ZNF8: variants seen among roughly 807,000 people sequenced by gnomAD.
ZNF8 encodes the protein zinc finger protein 8.
Under a neutral mutation model 12.2 loss-of-function variants are expected in ZNF8, and 9 were observed. That is an observed-to-expected ratio of 0.73 (90% confidence interval 0.44 to 1.28). The LOEUF is 1.28. ZNF8 is among the 50% of genes most tolerant of loss of function. The pLI is 0.00. For synonymous variants in ZNF8, 274 were observed against 282.3 expected (o/e 0.97, Z 0.30); for missense variants, 664 against 729.1 (o/e 0.91, Z 1.03).
chr19:58,279,412 A>T (rs1225465570), intron 1 of ZNF8: 2 of 1,444,072 alleles, frequency 1.4e-6, no homozygotes, highest in African/African-American at 2.9e-5. Flanking sequence ...CATTCCCGAG[A>T]GAATCGAGCA....
rs1179564248 is a variant in ZNF8, at chr19:58,296,734, G to C, written c.*1198G>C. The C allele has an allele frequency of 1.3e-5, 2 of 152,324 alleles. No individual in the cohort carries two copies. Among genetic ancestry groups the C allele is most frequent in the African/African-American group, 4.8e-5 (2 of 41,430 alleles). 9.4% of individuals were successfully genotyped at this position (152,324 alleles called of 1,614,324 possible). A position where few individuals can be genotyped will look rare whatever the true frequency, so the allele number is the denominator to read the frequency against. ...TGCTTTTGCCTCCAGGGCACATTTG[G>C]TGACATCTAGGGACATTTTTGGTTG... On this transcript the variant is annotated 3_prime_UTR_variant, in exon 4 of 4. Transcript: ENST00000621650.
At chr19:58,283,693 G>A (rs1054932103) in intron 1 of ZNF8, among the ~76,000 whole-genome samples, 3 of 145,206 alleles carry the variant, frequency 2.1e-5, no homozygotes, top group African/African-American at 5.1e-5. Flanking sequence ...TCTGCCTCCC[G>A]GGTTCACACC....
rs1017229013 is a variant in ZNF8 at position 58,301,475 on chromosome 19, T to G, written c.*5939T>G. The G allele has an allele frequency of 6.6e-6, 1 of 152,274 alleles. No homozygotes were observed. The highest frequency in any genetic ancestry group is 2.4e-5 in the African/African-American group (1 of 41,452). The allele number at this position is 152,274 out of a possible 1,614,324, so 9.4% of individuals were successfully genotyped here. ...CCAAAACCCTATTCTGGATCATTCC[T>G]CCTTTCTGCTCCACCAGCAGTTTGG... is the stretch of plus-strand genomic sequence containing the variant. On this transcript the variant is annotated 3_prime_UTR_variant, in exon 4 of 4. Transcript: ENST00000621650.
rs2051378157 is a variant in ZNF8 at position 58,285,608 on chromosome 19, C to G, written c.67-109C>G. 6 of 1,486,128 alleles carry G rather than the reference C, an allele frequency of 4.0e-6. No homozygotes were observed. In the South Asian group the frequency reaches 4.6e-5, roughly 11 times the overall value. The allele number at this position is 1,486,128 out of a possible 1,614,324, so 92.1% of individuals were successfully genotyped here. The stretch of plus-strand genomic sequence containing the variant: ...CCTGACTCCCATCATTCATAACGTG[C>G]AGTCTCTCGTGACACAGGCCTGCCT... On this transcript the variant is annotated intron_variant, in intron 1 of 3. Transcript: ENST00000621650.
At chr19:58,279,292 G>T in intron 1 of ZNF8, 145 bp downstream of exon 1, 1 of 1,520,030 alleles carries the variant, frequency 6.6e-7, no homozygotes, top group South Asian at 1.2e-5. Flanking sequence ...GGGTCGGGGC[G>T]TGGTGACCGT....
In ZNF8 at chr19:58,296,979, C is replaced by T. The variant is rs1209634221; in HGVS notation, c.*1443C>T. The T allele has an allele frequency of 1.3e-5, 2 of 152,314 alleles. No individual in the cohort carries two copies. Among genetic ancestry groups the T allele is most frequent in the African/African-American group, 4.8e-5 (2 of 41,560 alleles). 9.4% of individuals were successfully genotyped at this position (152,314 alleles called of 1,614,324 possible). ...AGCTGTGGTGGCTCACGCTTGTGAT[C>T]CCAGCACTGTGGGAGGCTGAGGAGG... On this transcript the variant is annotated 3_prime_UTR_variant, in exon 4 of 4. Transcript: ENST00000621650.
chr19:58,285,865 G>A, intron 2 of ZNF8, 22 bp downstream of exon 2: 1 of 1,590,400 alleles, frequency 6.3e-7, no homozygotes, highest in Non-Finnish European at 8.6e-7. Flanking sequence ...TTCGCAAGGT[G>A]TGATAGCTGA....
intron 1 of ZNF8, among the ~76,000 whole-genome samples, chr19:58,281,909 T>C (rs2051352616): frequency 6.6e-6 from 1 of 152,130 alleles, no homozygotes; most frequent in South Asian, 2.1e-4. Flanking sequence ...GGTTAGGAGT[T>C]CAAGACCAGC....
At chr19:58,287,881 T>TA (rs1555774522) in intron 3 of ZNF8, among the ~76,000 whole-genome samples, 1 of 147,428 alleles carries the variant, frequency 6.8e-6, no homozygotes, top group African/African-American at 2.5e-5. Flanking sequence ...TTTTTTTTTT[T>TA]AGAGATGGGG....
At chr19:58,284,456 CTG>C (rs2051370332) in intron 1 of ZNF8, among the ~76,000 whole-genome samples, 1 of 152,234 alleles carries the variant, frequency 6.6e-6, no homozygotes, top group Non-Finnish European at 1.5e-5. Context: ...AGCCAAGACT[CTG>C]ATCCAGAAAT....
rs1032142109 is a variant in ZNF8 at position 58,294,723 on chromosome 19, C to T, written c.915C>T (p.Arg305=). ...ACTCCTCCCTCGTCCAGCATGAGCG[C>T]ATCCACACTGGAGACAAGCCCTACA... ...SQNSSLVQHE[R]IHTGDKPYKC... is the part of the protein sequence containing the mutation. The change falls in exon 4 of 4, where the codon CGC becomes CGT. Residue 305 remains arginine (R), a synonymous_variant. Transcript: ENST00000621650. This position sits in a 1 kb window ranked among gnomAD's most constrained non-coding sequence, Gnocchi z 5.5. 1 of 1,613,958 alleles carries T rather than the reference C, an allele frequency of 6.2e-7. No individual in the cohort carries two copies. Among genetic ancestry groups the T allele is most frequent in the African/African-American group, 1.3e-5 (1 of 74,886 alleles).
intron 3 of ZNF8, among the ~76,000 whole-genome samples, chr19:58,291,706 C>T (rs765547154): frequency 2.0e-5 from 3 of 152,084 alleles, no homozygotes; most frequent in Non-Finnish European, 2.9e-5. Context: ...GTGATGAGGC[C>T]GTAAAGGAAA....
intron 3 of ZNF8, chr19:58,286,463 G>T: frequency 2.7e-6 from 1 of 369,284 alleles, no homozygotes; most frequent in Non-Finnish European, 5.1e-6. Context: ...TTCAGGATGT[G>T]CCAGGCTCCC....
chr19:58,280,082 A>G (rs1177528340), intron 1 of ZNF8: 1 of 344,192 alleles, frequency 2.9e-6, no homozygotes, highest in Non-Finnish European at 5.6e-6. Context: ...CTTGAGAGAA[A>G]GTGTATTAGT....
intron 1 of ZNF8, chr19:58,279,838 A>C: frequency 7.2e-7 from 1 of 1,383,936 alleles, no homozygotes; most frequent in Non-Finnish European, 9.5e-7. Context: ...AGGAAACAAC[A>C]ATAATTATCC....
rs1328763796 is a variant in ZNF8 at position 58,298,906 on chromosome 19, G to A, written c.*3370G>A. The A allele has an allele frequency of 1.3e-5, 2 of 151,156 alleles. No homozygotes were observed. Among genetic ancestry groups the A allele is most frequent in the African/African-American group, 4.9e-5 (2 of 41,044 alleles). The allele number at this position is 151,156 out of a possible 1,614,324, so 9.4% of individuals were successfully genotyped here. Reference sequence around the variant, plus strand: ...CACGTGGTTCACTGCAACCTCCCAGGTTCAAGCAATTCTCCTGCCTCAGCC... The same window carrying A: ...CACGTGGTTCACTGCAACCTCCCAGATTCAAGCAATTCTCCTGCCTCAGCC... On this transcript the variant is annotated 3_prime_UTR_variant, in exon 4 of 4. Transcript: ENST00000621650.
intron 1 of ZNF8, chr19:58,279,906 G>A: frequency 8.4e-7 from 1 of 1,194,568 alleles, no homozygotes; most frequent in Middle Eastern, 3.5e-4. Context: ...TCGTTGGTTT[G>A]TTCATGGGGA....
chr19:58,295,327 A>G lies in ZNF8; in HGVS notation c.1519A>G (p.Ser507Gly), dbSNP rs1033813624. 7.4e-6 allele frequency: 12 copies of G among 1,614,212 alleles called. 1 individual carries two copies. Among genetic ancestry groups the G allele is most frequent in the Middle Eastern group, 1.6e-4 (1 of 6,062 alleles). ...GRSRRREQSS[S>G]RNSHLVQHQH... ...AAGCCGGCGGCGTGAACAATCCTCG[A>G]GCAGGAACTCACACCTGGTTCAGCA... is the stretch of plus-strand genomic sequence containing the variant. The change falls in exon 4 of 4, where the codon AGC becomes GGC. Residue 507 changes from serine (S) to glycine (G), a missense_variant. By Grantham distance (56) the Ser-to-Gly change is moderately conservative (BLOSUM62 0). Coordinates refer to ENST00000621650, the MANE Select transcript of ZNF8 (RefSeq NM_021089.3).
At chr19:58,288,426 T>C (rs994460802) in intron 3 of ZNF8, among the ~76,000 whole-genome samples, 1 of 152,136 alleles carries the variant, frequency 6.6e-6, no homozygotes, top group Admixed American at 6.6e-5. Flanking sequence ...TTGTGCTCCA[T>C]GCAGGAAGGA....
Sources: allele counts gnomAD v4.1 joint callset (sites outside exome capture counted in the v4.1 genomes callset), GRCh38; gene constraint gnomAD v4.1.1; non-coding constraint Gnocchi (gnomAD v3.1); transcripts MANE v1.5; gene names NCBI Gene and HGNC (gene_info 2026-07-23, HGNC 2026-07-21).